AGBL4: variants seen among roughly 807,000 people sequenced by gnomAD.
AGBL4 encodes AGBL carboxypeptidase 4.
AGBL4 carries 58 observed loss-of-function variants against 66.4 expected under a neutral mutation model. The observed-to-expected ratio is 0.87, with a 90% confidence interval of 0.71 to 1.09. The LOEUF (loss-of-function observed/expected upper bound fraction) is 1.09. AGBL4 is among the 50% of genes least tolerant of loss of function. AGBL4 has a pLI of 0.00. For synonymous variants in AGBL4, 234 were observed against 222.9 expected, an observed-to-expected ratio of 1.05 and a Z score of -0.44; for missense variants, 579 against 631.0, an observed-to-expected ratio of 0.92 and a Z score of 0.88.
chr1:48,761,324 A>C, intron 6 of AGBL4: 1 of 1,541,340 alleles, frequency 6.5e-7, no homozygotes. Context: ...AAAGAAAGGA[A>C]AGATTTTGTT....
At position 49,672,350 on chromosome 1, in the gene AGBL4, G is replaced by A. The variant is rs370289510; in HGVS notation, c.282+24963C>T. On this transcript the variant is annotated intron_variant, in intron 3 of 13. Transcript: ENST00000371839. ...CACTGGGGTCTACTTGAGGGGGGAG[G>A]GTGGGAGGAGGAAGAGGAGCAGAAA... Among the ~76,000 whole-genome samples, 236 of 151,718 alleles carry A rather than the reference G, an allele frequency of 1.6e-3. 1 individual carries two copies. Among genetic ancestry groups the A allele is most frequent in the African/African-American group, 4.8e-3 (200 of 41,348 alleles).
At chr1:48,730,450 G>A (rs766863637) in intron 6 of AGBL4, among the ~76,000 whole-genome samples, 9 of 152,142 alleles carry the variant, frequency 5.9e-5, no homozygotes, top group Non-Finnish European at 1.2e-4. Context: ...CCCCCAGCTC[G>A]AAGTCTCTAA....
chr1:49,807,732 ATG>A (rs1217211491), intron 2 of AGBL4, among the ~76,000 whole-genome samples: 8 of 152,192 alleles, frequency 5.3e-5, no homozygotes, highest in African/African-American at 1.9e-4. Context: ...ATCTAAATAT[ATG>A]TGTTCCTCCA....
At chr1:48,803,154 A>T (rs1029571352) in intron 6 of AGBL4, among the ~76,000 whole-genome samples, 2 of 152,240 alleles carry the variant, frequency 1.3e-5, no homozygotes, top group African/African-American at 4.8e-5. Context: ...CAGACATAGC[A>T]TCTCCTCTTG....
At chr1:48,962,443 C>T (rs182672955) in intron 5 of AGBL4, among the ~76,000 whole-genome samples, 15 of 152,200 alleles carry the variant, frequency 9.9e-5, no homozygotes, top group East Asian at 5.8e-4. Flanking sequence ...ATGTAAAGAG[C>T]GCTTATGCTA....
intron 3 of AGBL4, among the ~76,000 whole-genome samples, chr1:49,369,645 T>C (rs1644302555): frequency 1.3e-5 from 2 of 152,118 alleles, no homozygotes; most frequent in African/African-American, 4.8e-5. Flanking sequence ...TTGCTAAAAT[T>C]CACAGGGTCC....
chr1:49,650,684 G>A (rs1307297890), intron 3 of AGBL4, among the ~76,000 whole-genome samples: 1 of 152,184 alleles, frequency 6.6e-6, no homozygotes. Flanking sequence ...TGGGACCTTG[G>A]AAAATTGCAG....
chr1:49,108,374 T>A (rs1022402104), intron 4 of AGBL4, among the ~76,000 whole-genome samples: 1 of 152,280 alleles, frequency 6.6e-6, no homozygotes, highest in Admixed American at 6.5e-5. Context: ...TAGGAAGTTT[T>A]GGTACAGTTT....
chr1:48,784,043 A>G (rs77659693), intron 6 of AGBL4, among the ~76,000 whole-genome samples: 3,659 of 152,276 alleles, frequency 0.024, 125 homozygotes, highest in African/African-American at 0.084. Flanking sequence ...CTCTGGGTCC[A>G]AATCCTGGTC....
chr1:49,967,707 T>C (rs1035268527), intron 1 of AGBL4, among the ~76,000 whole-genome samples: 7 of 152,076 alleles, frequency 4.6e-5, no homozygotes, highest in Non-Finnish European at 1.0e-4. Flanking sequence ...CAGCCAGAAA[T>C]ATGTAAGACT....
chr1:49,151,331 C>T (rs1277340910), intron 4 of AGBL4, among the ~76,000 whole-genome samples: 1 of 147,616 alleles, frequency 6.8e-6, no homozygotes, highest in Non-Finnish European at 1.5e-5. Flanking sequence ...TACACATAAA[C>T]AAAACCTAGG....
At chr1:49,127,862 T>C (rs148159406) in intron 4 of AGBL4, among the ~76,000 whole-genome samples, 124 of 152,126 alleles carry the variant, frequency 8.2e-4, no homozygotes, top group African/African-American at 2.9e-3. Flanking sequence ...ACTCAACTTA[T>C]AGCCAAAGAA....
At chr1:49,969,000 T>C (rs1657815866) in intron 1 of AGBL4, among the ~76,000 whole-genome samples, 1 of 152,220 alleles carries the variant, frequency 6.6e-6, no homozygotes. Flanking sequence ...CTGACACACA[T>C]GACCAAAATG....
chr1:49,488,555 T>C (rs953163373), intron 3 of AGBL4, among the ~76,000 whole-genome samples: 3 of 151,824 alleles, frequency 2.0e-5, no homozygotes, highest in African/African-American at 7.2e-5. Flanking sequence ...AACAATCCAA[T>C]GATACTCTTT....
chr1:49,640,126 T>G (rs1050691330), intron 3 of AGBL4, among the ~76,000 whole-genome samples: 7 of 152,112 alleles, frequency 4.6e-5, no homozygotes, highest in Admixed American at 3.3e-4. Context: ...GAAGCACACA[T>G]AAAAATTTAG....
At chr1:48,631,255 C>A (rs1167904705) in intron 9 of AGBL4, among the ~76,000 whole-genome samples, 1 of 152,174 alleles carries the variant, frequency 6.6e-6, no homozygotes, top group East Asian at 1.9e-4. Context: ...GCTCTTAGGG[C>A]AGATGCCTCA....
At chr1:48,689,398 TACC>T (rs1373891331) in intron 6 of AGBL4, among the ~76,000 whole-genome samples, 11 of 150,240 alleles carry the variant, frequency 7.3e-5, no homozygotes, top group African/African-American at 2.8e-4. Context: ...CCTACCTACC[TACC>T]TACCTTCCTT....
chr1:49,936,428 G>A (rs892441405), intron 1 of AGBL4, among the ~76,000 whole-genome samples: 1 of 152,194 alleles, frequency 6.6e-6, no homozygotes, highest in African/African-American at 2.4e-5. Flanking sequence ...ACATTACCCA[G>A]GAGAACTTCC....
chr1:49,178,668 G>A (rs1646874134), intron 4 of AGBL4, among the ~76,000 whole-genome samples: 1 of 152,100 alleles, frequency 6.6e-6, no homozygotes, highest in African/African-American at 2.4e-5. Flanking sequence ...ATCTTTATGA[G>A]AACAAGGACC....
Sources: allele counts gnomAD v4.1 joint callset (sites outside exome capture counted in the v4.1 genomes callset), GRCh38; gene constraint gnomAD v4.1.1; transcripts MANE v1.5; gene names NCBI Gene and HGNC (gene_info 2026-07-23, HGNC 2026-07-21).